Variants in ADGRL1 observed in about 807,000 individuals in gnomAD.
ADGRL1 encodes adhesion G protein-coupled receptor L1.
A neutral mutation model predicts 148.9 loss-of-function variants in ADGRL1; 31 were observed. The ratio of observed to expected loss-of-function variants is 0.21; its 90% CI spans 0.16 to 0.28. ADGRL1 has a LOEUF of 0.28. ADGRL1 is among the 10% of genes least tolerant of loss of function. The pLI is 1.00. For synonymous variants in ADGRL1, 937 were observed against 900.3 expected (o/e 1.04, Z -0.73); for missense variants, 1,521 against 2,058.8 (o/e 0.74, Z 5.05).
Position 14,150,670 on chromosome 19 carries a change from G to T in ADGRL1, c.*203C>A. 1 of 603,726 alleles carries T rather than the reference G, an allele frequency of 1.7e-6. No individual in the cohort carries two copies. The allele number at this position is 603,726 out of a possible 1,614,324, so 37.4% of individuals were successfully genotyped here. A position where few individuals can be genotyped will look rare whatever the true frequency, so the allele number is the denominator to read the frequency against. On this transcript the variant is annotated 3_prime_UTR_variant, in exon 23 of 23. Coordinates refer to ENST00000361434, the MANE Select transcript of ADGRL1 (RefSeq NM_014921.5). ...CAAATAGAGCTGGTGCGTGTGGCTG[G>T]TGGGAAACCCTGTCTGTGAACCCTG...
intron 1 of ADGRL1, among the ~76,000 whole-genome samples, chr19:14,203,389 G>A (rs1214064875): frequency 6.6e-6 from 1 of 152,104 alleles, no homozygotes; most frequent in Non-Finnish European, 1.5e-5. Context: ...CGTTCCTCTT[G>A]AGGGGCACCC....
rs200999751 is a variant in ADGRL1 at position 14,159,078 on chromosome 19, G to A, written c.2149+12C>T. ...CTGCTTCCCCACCCGAGGCCCCGCC[G>A]GGGACACTGACCATTGCGGCTGTTC... On this transcript the variant is annotated intron_variant, in intron 11 of 22. Transcript: ENST00000361434. The surrounding 1 kb of genome is among the most constrained non-coding windows in gnomAD (Gnocchi z 6.0). The A allele has an allele frequency of 2.1e-4, 343 of 1,613,328 alleles. 1 individual carries two copies. The African/African-American group carries it at 3.7e-3, about 17-fold the overall frequency.
At position 14,152,283 on chromosome 19, in the gene ADGRL1, C is replaced by A. The variant is rs61733770; in HGVS notation, c.3649+26G>T. 5,760 of 1,606,714 alleles carry A rather than the reference C, an allele frequency of 3.6e-3. 163 individuals are homozygous for A. The African/African-American group carries it at 0.069, about 19-fold the overall frequency. ...GGACACAAACCCTCCATTTCCCAAC[C>A]TGGGATGTTTCCCCCGTGCTCTCAC... On this transcript the variant is annotated intron_variant, in intron 21 of 22. Transcript: ENST00000361434. The surrounding 1 kb of genome is among the most constrained non-coding windows in gnomAD (Gnocchi z 6.1).
At position 14,157,104 on chromosome 19, in the gene ADGRL1, G is replaced by A. The variant is rs1968843919; in HGVS notation, c.2787C>T (p.Phe929=). ...PIFAGLLHYF[F]LAAFSWLCLE... is the part of the protein sequence containing the mutation. ...GGCACAGCCAGGAGAAGGCAGCCAG[G>A]AAGAAATAGTGCAGCAGGCCGGCGA... Residue 929 remains phenylalanine, a synonymous_variant, in exon 15 of 23, where the codon TTC becomes TTT. Coordinates refer to ENST00000361434, the MANE Select transcript of ADGRL1 (RefSeq NM_014921.5). The surrounding 1 kb of genome is among the most constrained non-coding windows in gnomAD (Gnocchi z 7.5). 1 of 1,614,140 alleles carries A rather than the reference G, an allele frequency of 6.2e-7. No homozygotes were observed.
intron 18 of ADGRL1, among the ~76,000 whole-genome samples, chr19:14,153,648 G>A (rs1308536018): frequency 6.9e-6 from 1 of 144,602 alleles, no homozygotes; most frequent in African/African-American, 2.6e-5. Flanking sequence ...GACTGGTTGT[G>A]ATTTTAAATA....
At chr19:14,195,911 T>C (rs1014216208) in intron 1 of ADGRL1, among the ~76,000 whole-genome samples, 2 of 152,108 alleles carry the variant, frequency 1.3e-5, no homozygotes, top group African/African-American at 4.8e-5. Flanking sequence ...TCCAGCTCAG[T>C]GGATGGCAGC....
Position 14,160,031 on chromosome 19 carries a change from A to G in ADGRL1, c.1800+81T>C. On this transcript the variant is annotated intron_variant, in intron 8 of 22. Coordinates refer to ENST00000361434, the MANE Select transcript of ADGRL1 (RefSeq NM_014921.5). The surrounding 1 kb of genome is among the most constrained non-coding windows in gnomAD (Gnocchi z 5.9). Reference sequence around the variant, plus strand: ...GAGTGGAGGTGGCAGCCTGGCTGGGAGGTACCAGGTCAGGTACTTCCCAAG... The same window carrying G: ...GAGTGGAGGTGGCAGCCTGGCTGGGGGGTACCAGGTCAGGTACTTCCCAAG... 7.1e-7 allele frequency: 1 copy of G among 1,417,014 alleles called. No homozygotes were observed. The highest frequency in any genetic ancestry group is 9.5e-7 in the Non-Finnish European group (1 of 1,053,580). The allele number at this position is 1,417,014 out of a possible 1,614,324, so 87.8% of individuals were successfully genotyped here.
chr19:14,203,747 C>T (rs557220662), intron 1 of ADGRL1, among the ~76,000 whole-genome samples: 34 of 152,338 alleles, frequency 2.2e-4, no homozygotes, highest in African/African-American at 8.2e-4. Flanking sequence ...TGGTCCCCAG[C>T]TCCCCATCCT....
At chr19:14,177,453 G>A (rs1275035608) in intron 3 of ADGRL1, 78 bp downstream of exon 3, 2 of 1,319,402 alleles carry the variant, frequency 1.5e-6, no homozygotes, top group Non-Finnish European at 2.2e-6. Flanking sequence ...AAGATGTAAG[G>A]TGAACGGGTG....
At chr19:14,178,710 G>A (rs1220003390) in intron 2 of ADGRL1, among the ~76,000 whole-genome samples, 1 of 152,034 alleles carries the variant, frequency 6.6e-6, no homozygotes, top group African/African-American at 2.4e-5. Context: ...ATAGAAATGG[G>A]TCCCTTTTCT....
Position 14,161,505 on chromosome 19 carries a change from C to T in ADGRL1, c.1317G>A (p.Val439=). Residue 439 remains valine (V), a synonymous_variant, in exon 6 of 23, where the codon GTG becomes GTA. Coordinates refer to ENST00000361434, the MANE Select transcript of ADGRL1 (RefSeq NM_014921.5). The surrounding 1 kb of genome is among the most constrained non-coding windows in gnomAD (Gnocchi z 4.4). Reference sequence around the variant, plus strand: ...CAGGTCCCAGCTGGTTGATGGCACCCACTGGGTGCGTGGTGAGGGGTGCCC... The same window carrying T: ...CAGGTCCCAGCTGGTTGATGGCACCTACTGGGTGCGTGGTGAGGGGTGCCC... ...LRRAPLTTHP[V]GAINQLGPDL... The T allele has an allele frequency of 1.4e-6, 2 of 1,440,654 alleles. No homozygotes were observed. Among genetic ancestry groups the T allele is most frequent in the East Asian group, 5.4e-5 (2 of 36,780 alleles). 89.2% of individuals were successfully genotyped at this position (1,440,654 alleles called of 1,614,324 possible).
At chr19:14,185,767 C>T (rs1971539655) in intron 1 of ADGRL1, among the ~76,000 whole-genome samples, 2 of 152,260 alleles carry the variant, frequency 1.3e-5, no homozygotes, top group South Asian at 2.1e-4. Flanking sequence ...AGAGCCCCCA[C>T]TACCATTTCC....
chr19:14,188,062 A>G (rs1971697001), intron 1 of ADGRL1, among the ~76,000 whole-genome samples: 2 of 152,054 alleles, frequency 1.3e-5, no homozygotes, highest in Admixed American at 1.3e-4. Flanking sequence ...CTGCCACTGC[A>G]CTCCAGTCTG....
intron 1 of ADGRL1, among the ~76,000 whole-genome samples, chr19:14,203,623 G>T (rs1286170851): frequency 1.5e-5 from 2 of 135,800 alleles, no homozygotes; most frequent in Non-Finnish European, 3.2e-5. Context: ...TGCCCACAGG[G>T]TCCTCCAAGG....
chr19:14,183,221 G>GAGAGAGAGAGAC (rs1971339699), intron 2 of ADGRL1, among the ~76,000 whole-genome samples: 3 of 151,968 alleles, frequency 2.0e-5, no homozygotes, highest in Admixed American at 6.6e-5. Flanking sequence ...GAGAGAGCGA[G>GAGAGAGAGAGAC]AGAGAGACAG....
intron 2 of ADGRL1, among the ~76,000 whole-genome samples, chr19:14,180,103 G>C (rs987160454): frequency 1.3e-5 from 2 of 152,132 alleles, no homozygotes; most frequent in South Asian, 2.1e-4. Flanking sequence ...AACAAGGCTT[G>C]GGGGAGCCTC....
intron 22 of ADGRL1, among the ~76,000 whole-genome samples, 198 bp from the exon 23 acceptor site, chr19:14,151,813 T>C (rs1968229476): frequency 6.6e-6 from 1 of 152,140 alleles, no homozygotes; most frequent in East Asian, 1.9e-4. Context: ...CAGCAGCGTA[T>C]TGATGAAAGG....
At chr19:14,168,099 G>A (rs954614158) in intron 4 of ADGRL1, among the ~76,000 whole-genome samples, 1 of 150,298 alleles carries the variant, frequency 6.7e-6, no homozygotes, top group African/African-American at 2.5e-5. Context: ...CCCAGCCTCT[G>A]AAGCCCTGGG....
At position 14,151,088 on chromosome 19, in the gene ADGRL1, C is replaced by T. The variant is rs1263117174; in HGVS notation, c.4195G>A (p.Gly1399Arg). The T allele has an allele frequency of 2.0e-6, 3 of 1,524,768 alleles. No homozygotes were observed. The highest frequency in any genetic ancestry group is 2.6e-6 in the Non-Finnish European group (3 of 1,136,306). The allele number at this position is 1,524,768 out of a possible 1,614,324, so 94.5% of individuals were successfully genotyped here. A position where few individuals can be genotyped will look rare whatever the true frequency, so the allele number is the denominator to read the frequency against. Residue 1399 changes from glycine to arginine, a missense_variant, in exon 23 of 23, where the codon GGG becomes AGG. By Grantham distance (125) the Gly-to-Arg change is moderately radical. Coordinates refer to ENST00000361434, the MANE Select transcript of ADGRL1 (RefSeq NM_014921.5). ...SPSYPDSSPE[G>R]PSEALPPPPP... ...GGTGGGGGCAGGGCCTCACTGGGCCCCTCAGGGCTGCTGTCCGGGTAGGAG... is the reference window on the plus strand; with the variant it reads ...GGTGGGGGCAGGGCCTCACTGGGCCTCTCAGGGCTGCTGTCCGGGTAGGAG...
Sources: gnomAD v4.1 joint callset for allele counts (sites outside exome capture counted in the v4.1 genomes callset) on GRCh38, gnomAD v4.1.1 for gene constraint, Gnocchi (gnomAD v3.1) non-coding constraint, MANE v1.5 for transcripts, NCBI Gene and HGNC (gene_info 2026-07-23, HGNC 2026-07-21) for gene names.